Variants in PGAP1 observed in about 807,000 individuals in gnomAD.
The protein encoded by PGAP1 is post-GPI attachment to proteins inositol deacylase 1, also known as GPI inositol-deacylase.
A neutral mutation model predicts 127.0 loss-of-function variants in PGAP1; 76 were observed. That is an observed-to-expected ratio of 0.60 (90% CI 0.50 to 0.72). The LOEUF is 0.72. Ranked by LOEUF, PGAP1 falls within the 30% of genes least tolerant of loss-of-function variation. The pLI is 0.00. For synonymous variants in PGAP1, 362 were observed against 366.5 expected, an observed-to-expected ratio of 0.99 and a Z score of 0.14; for missense variants, 982 against 1,071.3, an observed-to-expected ratio of 0.92 and a Z score of 1.16.
At chr2:196,876,992 C>A (rs576075188) in intron 13 of PGAP1, among the ~76,000 whole-genome samples, 1 of 151,948 alleles carries the variant, frequency 6.6e-6, no homozygotes. Context: ...ACATTTTTTA[C>A]AAAGTACTTT....
At chr2:196,917,721 T>C (rs2125838464) in intron 2 of PGAP1, among the ~76,000 whole-genome samples, 1 of 152,334 alleles carries the variant, frequency 6.6e-6, no homozygotes, top group South Asian at 2.1e-4. Flanking sequence ...ATATGTCATA[T>C]TTGATTCATC....
intron 20 of PGAP1, among the ~76,000 whole-genome samples, chr2:196,852,592 T>A (rs1489415636): frequency 6.6e-6 from 1 of 152,018 alleles, no homozygotes; most frequent in Non-Finnish European, 1.5e-5. Flanking sequence ...TGTTCTTTAT[T>A]GACAAAAAAT....
At chr2:196,847,871 T>C in intron 21 of PGAP1, 76 bp downstream of exon 21, 1 of 1,097,492 alleles carries the variant, frequency 9.1e-7, no homozygotes, top group Non-Finnish European at 1.3e-6. Context: ...TGAAAATTTA[T>C]ATTGCATTAT....
In PGAP1 at chr2:196,913,023, T is replaced by C. The variant is rs963680531; in HGVS notation, c.508A>G (p.Ile170Val). 1.2e-5 allele frequency: 19 copies of C among 1,610,900 alleles called. No individual in the cohort carries two copies. In the Middle Eastern group the frequency reaches 1.3e-3, roughly 112 times the overall value. ...GQEFAPKSVA[I>V]IGHSMGGLVA... ...AGGCCACCCATAGAATGACCAATTA[T>C]TGCCACACTTTTTGGAGCAAATTCT... The change falls in exon 4 of 27, where the codon ATA becomes GTA. Residue 170 changes from isoleucine to valine, a missense_variant. Coordinates refer to ENST00000354764, the MANE Select transcript of PGAP1 (RefSeq NM_024989.4).
chr2:196,873,080 C>T (rs1203427835), intron 16 of PGAP1, 54 bp from the exon 17 acceptor site: 2 of 595,860 alleles, frequency 3.4e-6, no homozygotes, highest in African/African-American at 2.0e-5. Context: ...CTAAATGTTA[C>T]ATAAACTACT....
chr2:196,890,079 G>A (rs2125816858), intron 10 of PGAP1, among the ~76,000 whole-genome samples: 1 of 151,900 alleles, frequency 6.6e-6, no homozygotes, highest in South Asian at 2.1e-4. Context: ...AACTACAGGT[G>A]CTACCACCAC....
intron 16 of PGAP1, 40 bp downstream of exon 16, chr2:196,873,488 C>A: frequency 6.8e-7 from 1 of 1,477,948 alleles, no homozygotes; most frequent in Non-Finnish European, 9.3e-7. Context: ...CTTCAAATGA[C>A]AATATTATTT....
In PGAP1 at chr2:196,838,527, A is replaced by T. The variant is rs750337488; in HGVS notation, c.*2707T>A. On this transcript the variant is annotated 3_prime_UTR_variant, in exon 27 of 27. Transcript: ENST00000354764. ...TAAAGTGCATCAAGACTCAATGAAG[A>T]CCCTGTCAAAATGTAAGTGTATACA... The T allele has an allele frequency of 6.6e-6, 1 of 152,174 alleles. No homozygotes were observed. The highest frequency in any genetic ancestry group is 1.5e-5 in the Non-Finnish European group (1 of 68,034). The allele number at this position is 152,174 out of a possible 1,614,324, so 9.4% of individuals were successfully genotyped here.
intron 20 of PGAP1, among the ~76,000 whole-genome samples, chr2:196,855,325 C>CAAAA (rs112534782): frequency 6.7e-4 from 45 of 67,104 alleles, no homozygotes; most frequent in South Asian, 3.9e-3. Flanking sequence ...ACTCTGTCAC[C>CAAAA]AAAAAAAAAA....
rs749913632 is a variant in PGAP1, at chr2:196,902,774, ACAG to A, written c.650-35_650-33del. 16 of 1,523,180 alleles carry A rather than the reference ACAG, an allele frequency of 1.1e-5. No individual in the cohort carries two copies. In the East Asian group the frequency reaches 3.6e-4, roughly 34 times the overall value. 94.4% of individuals were successfully genotyped at this position (1,523,180 alleles called of 1,614,324 possible). On this transcript the variant is annotated intron_variant, in intron 4 of 26. Transcript: ENST00000354764. ...GGGAATAAAAAAGAGACATTAAAAA[ACAG>A]TAGCCATTCCCTGAAACAATAAGAT...
rs145940500 is a variant in PGAP1 at position 196,873,394 on chromosome 2, C to CCTTT, written c.1552+133_1552+134insAAAG. ...TTAAATCCCCTGGAAATATAAACAA[C>CCTTT]CTGTTATAAATTTAATTTTACTTCA... On this transcript the variant is annotated intron_variant, in intron 16 of 26. Transcript: ENST00000354764. 3.2e-3 allele frequency: 2,093 copies of CCTTT among 655,192 alleles called. 28 individuals carry two copies. In the African/African-American group the frequency reaches 0.035, roughly 11 times the overall value. The allele number at this position is 655,192 out of a possible 1,614,324, so 40.6% of individuals were successfully genotyped here. A position where few individuals can be genotyped will look rare whatever the true frequency, so the allele number is the denominator to read the frequency against.
intron 4 of PGAP1, among the ~76,000 whole-genome samples, chr2:196,904,682 T>G (rs1386836146): frequency 6.6e-6 from 1 of 151,850 alleles, no homozygotes; most frequent in Non-Finnish European, 1.5e-5. Flanking sequence ...GAGCCGAGAT[T>G]GCGCCACTGC....
intron 2 of PGAP1, 27 bp downstream of exon 2, chr2:196,919,970 T>G (rs568874906): frequency 1.3e-6 from 2 of 1,583,180 alleles, no homozygotes; most frequent in Non-Finnish European, 1.7e-6. Context: ...TTTATAGCTT[T>G]CAAAATTTAC....
intron 10 of PGAP1, among the ~76,000 whole-genome samples, chr2:196,890,154 C>CA (rs1285942065): frequency 6.6e-6 from 1 of 152,016 alleles, no homozygotes; most frequent in Non-Finnish European, 1.5e-5. Flanking sequence ...AGGCTGGTCT[C>CA]AAACTCCTGA....
Position 196,842,816 on chromosome 2 carries a change from A to T in PGAP1, c.2535T>A (p.Phe845Leu). 6.7e-7 allele frequency: 1 copy of T among 1,489,762 alleles called. No individual in the cohort carries two copies. The highest frequency in any genetic ancestry group is 9.2e-7 in the Non-Finnish European group (1 of 1,090,384). 92.3% of individuals were successfully genotyped at this position (1,489,762 alleles called of 1,614,324 possible). Residue 845 changes from phenylalanine to leucine, a missense_variant, in exon 26 of 27, where the codon TTT becomes TTA. Transcript: ENST00000354764. ...GTTTACATGGATCAGGATTAAGTTTAAAATAATACCTATAATATTAAAAAA... is the reference window on the plus strand; with the variant it reads ...GTTTACATGGATCAGGATTAAGTTTTAAATAATACCTATAATATTAAAAAA... ...IYWLKNLRYY[F>L]KLNPDPCKPL...
At chr2:196,869,535 C>T (rs563342597) in intron 19 of PGAP1, among the ~76,000 whole-genome samples, 2 of 152,282 alleles carry the variant, frequency 1.3e-5, no homozygotes, top group African/African-American at 4.8e-5. Context: ...GGGGTTTCAC[C>T]GTGTTAGCCA....
chr2:196,879,310 T>C (rs950206275), intron 13 of PGAP1, among the ~76,000 whole-genome samples: 2 of 152,192 alleles, frequency 1.3e-5, no homozygotes, highest in African/African-American at 2.4e-5. Context: ...TGATTTGTGT[T>C]ATGTGTATTT....
rs538321676 is a variant in PGAP1 at position 196,834,755 on chromosome 2, T to G, written c.*6479A>C. On this transcript the variant is annotated 3_prime_UTR_variant, in exon 27 of 27. Coordinates refer to ENST00000354764, the MANE Select transcript of PGAP1 (RefSeq NM_024989.4). ...TCCAACAAATACATATTTGATTATATAGAAAGCATGATTATGTTAAATACA... is the reference window on the plus strand; with the variant it reads ...TCCAACAAATACATATTTGATTATAGAGAAAGCATGATTATGTTAAATACA... 1 of 151,982 alleles carries G rather than the reference T, an allele frequency of 6.6e-6. No homozygotes were observed. The highest frequency in any genetic ancestry group is 6.5e-5 in the Admixed American group (1 of 15,272). 9.4% of individuals were successfully genotyped at this position (151,982 alleles called of 1,614,324 possible). A position where few individuals can be genotyped will look rare whatever the true frequency, so the allele number is the denominator to read the frequency against.
intron 20 of PGAP1, among the ~76,000 whole-genome samples, chr2:196,848,796 C>T (rs149125985): frequency 8.0e-4 from 122 of 152,050 alleles, no homozygotes; most frequent in African/African-American, 2.5e-3. Context: ...TGAATATATG[C>T]TTTCATTTTT....
Sources: allele counts gnomAD v4.1 joint callset (sites outside exome capture counted in the v4.1 genomes callset), GRCh38; gene constraint gnomAD v4.1.1; transcripts MANE v1.5; gene names NCBI Gene and HGNC (gene_info 2026-07-23, HGNC 2026-07-21).